Variants in SH3BGRL observed in about 807,000 individuals in gnomAD.
SH3BGRL encodes adapter SH3BGRL.
In SH3BGRL, 7 loss-of-function variants were observed where a neutral mutation model predicts 9.8. The observed-to-expected ratio is 0.72, with a 90% confidence interval of 0.41 to 1.35. The LOEUF is 1.35. Ranked by LOEUF, SH3BGRL falls within the 40% of genes most tolerant of loss-of-function variation. The pLI is 0.01. For synonymous variants in SH3BGRL, 36 were observed against 29.1 expected, an observed-to-expected ratio of 1.24 and a Z score of -0.76; for missense variants, 73 against 84.4, an observed-to-expected ratio of 0.86 and a Z score of 0.53.
chrX:81,245,864 A>C, intron 1 of SH3BGRL, among the ~76,000 whole-genome samples: 1 of 111,825 alleles, frequency 8.9e-6, no homozygotes, highest in South Asian at 3.7e-4. Flanking sequence ...GCTAGGTCAA[A>C]TGTTAGTTTT....
intron 1 of SH3BGRL, among the ~76,000 whole-genome samples, chrX:81,212,912 A>T (rs1324967770): frequency 8.9e-6 from 1 of 112,725 alleles, no homozygotes; most frequent in African/African-American, 3.2e-5. Flanking sequence ...CTGTAAATCA[A>T]TGTCTAATTA....
intron 1 of SH3BGRL, among the ~76,000 whole-genome samples, chrX:81,229,834 G>A (rs1404535975): frequency 8.9e-6 from 1 of 111,955 alleles, no homozygotes; most frequent in Non-Finnish European, 1.9e-5. Flanking sequence ...CTTGGGAAAT[G>A]CAGCATTTGG....
intron 1 of SH3BGRL, among the ~76,000 whole-genome samples, chrX:81,232,329 T>G (rs2075635366): frequency 9.1e-6 from 1 of 109,987 alleles, no homozygotes; most frequent in Non-Finnish European, 1.9e-5. Context: ...CTAAACAAGA[T>G]GAAGTTCTCA....
chrX:81,209,173 A>T (rs1485390018), intron 1 of SH3BGRL, among the ~76,000 whole-genome samples: 2 of 108,635 alleles, frequency 1.8e-5, no homozygotes, highest in Non-Finnish European at 3.8e-5. Context: ...AGGCCCAGAT[A>T]ACTTTTGTAT....
At chrX:81,288,812 A>G (rs1368113969) in intron 3 of SH3BGRL, among the ~76,000 whole-genome samples, 1 of 111,987 alleles carries the variant, frequency 8.9e-6, no homozygotes. Flanking sequence ...AAAATATTCC[A>G]TGATCATGGA....
intron 1 of SH3BGRL, among the ~76,000 whole-genome samples, chrX:81,265,881 A>T (rs2075755566): frequency 9.0e-6 from 1 of 111,648 alleles, no homozygotes. Flanking sequence ...TCGTTTCCTG[A>T]CTTTTTAATG....
intron 1 of SH3BGRL, among the ~76,000 whole-genome samples, chrX:81,271,468 G>T (rs1394579186): frequency 8.9e-6 from 1 of 112,110 alleles, no homozygotes; most frequent in African/African-American, 3.2e-5. Context: ...CATCTGTCAC[G>T]AGAACTCTAG....
At chrX:81,261,288 A>G (rs2075740617) in intron 1 of SH3BGRL, among the ~76,000 whole-genome samples, 1 of 111,365 alleles carries the variant, frequency 9.0e-6, no homozygotes, top group Admixed American at 9.6e-5. Context: ...AATAATATCT[A>G]CCTTGCTGGG....
chrX:81,237,039 T>C (rs2075650576), intron 1 of SH3BGRL: 1 of 824,702 alleles, frequency 1.2e-6, no homozygotes. Context: ...GGAAATTAGA[T>C]AGATTCCAGT....
intron 3 of SH3BGRL, among the ~76,000 whole-genome samples, chrX:81,278,988 C>G (rs1358674337): frequency 1.8e-5 from 2 of 112,145 alleles, no homozygotes; most frequent in Non-Finnish European, 1.9e-5. Context: ...TGAGATGTCC[C>G]CAAACTATCA....
intron 1 of SH3BGRL, among the ~76,000 whole-genome samples, chrX:81,206,128 G>C (rs995045442): frequency 9.0e-6 from 1 of 111,508 alleles, no homozygotes; most frequent in African/African-American, 3.3e-5. Context: ...TCTCTTGTCA[G>C]ATGGATAGTT....
chrX:81,265,199 G>GT (rs372356022), intron 1 of SH3BGRL, among the ~76,000 whole-genome samples: 3,628 of 97,249 alleles, frequency 0.037, 59 homozygotes, highest in Middle Eastern at 0.068. Flanking sequence ...ACAGAGTAGA[G>GT]TTTTTTTTTT....
intron 1 of SH3BGRL, 96 bp from the exon 2 acceptor site, chrX:81,276,888 A>G (rs896295937): frequency 2.6e-5 from 19 of 719,887 alleles, no homozygotes; most frequent in Admixed American, 3.8e-5. Flanking sequence ...CTGTGAAACC[A>G]CAATCTTTGT....
At chrX:81,288,845 A>G (rs1192457111) in intron 3 of SH3BGRL, among the ~76,000 whole-genome samples, 2 of 111,771 alleles carry the variant, frequency 1.8e-5, no homozygotes, top group Non-Finnish European at 3.8e-5. Context: ...ATACATTAAA[A>G]TGTTCATACT....
chrX:81,208,629 G>A (rs774511156), intron 1 of SH3BGRL, among the ~76,000 whole-genome samples: 5 of 111,930 alleles, frequency 4.5e-5, no homozygotes, highest in Non-Finnish European at 7.5e-5. Flanking sequence ...TCTACTTTGC[G>A]GCCCACTAGG....
At chrX:81,247,711 G>A (rs1419249294) in intron 1 of SH3BGRL, among the ~76,000 whole-genome samples, 1 of 111,160 alleles carries the variant, frequency 9.0e-6, no homozygotes, top group Non-Finnish European at 1.9e-5. Context: ...CAGTTTGCTA[G>A]TATTTTGTTG....
At chrX:81,264,083 G>A (rs2075749017) in intron 1 of SH3BGRL, among the ~76,000 whole-genome samples, 2 of 109,896 alleles carry the variant, frequency 1.8e-5, no homozygotes, top group African/African-American at 6.6e-5. Flanking sequence ...CAAGAGAAAG[G>A]AGATTATAAT....
At chrX:81,278,001 T>G (rs1221400447) in intron 2 of SH3BGRL, among the ~76,000 whole-genome samples, 2 of 111,952 alleles carry the variant, frequency 1.8e-5, no homozygotes, top group Admixed American at 9.4e-5. Flanking sequence ...TCCCTCCTGT[T>G]GCCCAGGCTG....
intron 1 of SH3BGRL, among the ~76,000 whole-genome samples, chrX:81,259,831 CTT>C (rs1156501494): frequency 8.9e-6 from 1 of 112,133 alleles, no homozygotes; most frequent in East Asian, 2.8e-4. Flanking sequence ...TAACTTCACA[CTT>C]TATTTGACTA....
Sources: gnomAD v4.1 joint callset for allele counts (sites outside exome capture counted in the v4.1 genomes callset) on GRCh38, gnomAD v4.1.1 for gene constraint, MANE v1.5 for transcripts, NCBI Gene and HGNC (gene_info 2026-07-23, HGNC 2026-07-21) for gene names.